The following COL26A1 variants were observed in gnomAD, a reference collection of about 807,000 sequenced individuals.
COL26A1 encodes collagen type XXVI alpha 1 chain, also known as collagen alpha-1(XXVI) chain.
A neutral mutation model predicts 59.3 loss-of-function variants in COL26A1; 41 were observed. The observed-to-expected ratio is 0.69, with a 90% CI of 0.54 to 0.90. The LOEUF is 0.90. COL26A1 is among the 40% of genes least tolerant of loss of function. The pLI is 0.00. For synonymous variants in COL26A1, 266 were observed against 256.0 expected (o/e 1.04, Z -0.37); for missense variants, 612 against 602.3 (o/e 1.02, Z -0.17).
intron 1 of COL26A1, among the ~76,000 whole-genome samples, chr7:101,413,913 A>G (rs891005767): frequency 3.3e-5 from 5 of 152,132 alleles, no homozygotes; most frequent in African/African-American, 9.7e-5. Context: ...CCCCCAGAGC[A>G]CTGTTCACCC....
chr7:101,507,536 T>C (rs1195060471), intron 3 of COL26A1, among the ~76,000 whole-genome samples: 1 of 146,250 alleles, frequency 6.8e-6, no homozygotes, highest in Non-Finnish European at 1.5e-5. Flanking sequence ...ATCCTCCCAC[T>C]TCCCCATCCT....
At chr7:101,413,003 T>C (rs1792278386) in intron 1 of COL26A1, among the ~76,000 whole-genome samples, 1 of 152,174 alleles carries the variant, frequency 6.6e-6, no homozygotes, top group Admixed American at 6.5e-5. Context: ...CTGGGAAGTG[T>C]CCTGAAGATC....
intron 1 of COL26A1, among the ~76,000 whole-genome samples, chr7:101,394,385 G>A (rs528792812): frequency 1.3e-5 from 2 of 151,808 alleles, no homozygotes; most frequent in South Asian, 4.2e-4. Context: ...CTCAGTTGGT[G>A]GTAATTTGTT....
In COL26A1 at chr7:101,447,792, G is replaced by C; in HGVS notation, c.385+5G>C. 1 of 1,586,884 alleles carries C rather than the reference G, an allele frequency of 6.3e-7. No homozygotes were observed. Among genetic ancestry groups the C allele is most frequent in the Non-Finnish European group, 8.6e-7 (1 of 1,164,386 alleles). Reference sequence around the variant, plus strand: ...CCGGGAGCAACTGTGATGAGGGTAAGTTGGCAGGCACTTGGGCTGCAGGGG... The same window carrying C: ...CCGGGAGCAACTGTGATGAGGGTAACTTGGCAGGCACTTGGGCTGCAGGGG... On this transcript the variant is annotated splice_donor_5th_base_variant and intron_variant, in intron 3 of 12. Coordinates refer to ENST00000313669, the MANE Select transcript of COL26A1 (RefSeq NM_001278563.3).
chr7:101,415,419 G>A (rs1792350696), intron 1 of COL26A1, among the ~76,000 whole-genome samples: 2 of 152,158 alleles, frequency 1.3e-5, no homozygotes, highest in African/African-American at 2.4e-5. Flanking sequence ...TTCTCAAAGT[G>A]CTGTGTTTAC....
rs115225813 is a variant in COL26A1, at chr7:101,547,038, T to C, written c.857-118T>C. On this transcript the variant is annotated intron_variant, in intron 7 of 12. Transcript: ENST00000313669. Reference sequence around the variant, plus strand: ...GTATCTGCAGCGGGCCCCAGGGTGATGGGAGGAGCCCCCCTGGGCTTCGTG... The same window carrying C: ...GTATCTGCAGCGGGCCCCAGGGTGACGGGAGGAGCCCCCCTGGGCTTCGTG... The C allele has an allele frequency of 4.1e-3, 2,628 of 642,352 alleles. 53 individuals carry two copies. The African/African-American group carries it at 0.043, about 11-fold the overall frequency. 39.8% of individuals were successfully genotyped at this position (642,352 alleles called of 1,614,324 possible).
intron 3 of COL26A1, among the ~76,000 whole-genome samples, chr7:101,457,693 A>C (rs549442316): frequency 6.6e-6 from 1 of 152,178 alleles, no homozygotes; most frequent in South Asian, 2.1e-4. Context: ...TTCTATCATC[A>C]TAGATCAATT....
intron 1 of COL26A1, among the ~76,000 whole-genome samples, chr7:101,386,082 A>G (rs1000148504): frequency 6.6e-6 from 1 of 152,136 alleles, no homozygotes; most frequent in Admixed American, 6.6e-5. Context: ...GTTGAGTTTC[A>G]TCAAGGGTGG....
intron 10 of COL26A1, 94 bp downstream of exon 10, chr7:101,551,237 G>GTGGGGGGGGGGC: frequency 2.6e-6 from 1 of 386,364 alleles, no homozygotes; most frequent in Non-Finnish European, 5.0e-6. Flanking sequence ...TGGTGGGGGG[G>GTGGGGGGGGGGC]TTCAGCCCTG....
chr7:101,419,036 C>T (rs984261423), intron 1 of COL26A1, among the ~76,000 whole-genome samples: 7 of 148,710 alleles, frequency 4.7e-5, no homozygotes, highest in Non-Finnish European at 7.5e-5. Context: ...TCCTCCCTCC[C>T]TCCCTCTCTC....
chr7:101,502,238 A>G (rs1168150241), intron 3 of COL26A1, among the ~76,000 whole-genome samples: 1 of 152,162 alleles, frequency 6.6e-6, no homozygotes, highest in African/African-American at 2.4e-5. Flanking sequence ...GCTACTCAGG[A>G]GGCTGAGGCG....
intron 1 of COL26A1, among the ~76,000 whole-genome samples, chr7:101,390,786 A>G (rs1791710716): frequency 6.6e-6 from 1 of 152,092 alleles, no homozygotes; most frequent in South Asian, 2.1e-4. Context: ...GAAGGGAGAT[A>G]TTTCTAAAAA....
At chr7:101,391,191 G>A (rs1791720197) in intron 1 of COL26A1, among the ~76,000 whole-genome samples, 1 of 152,220 alleles carries the variant, frequency 6.6e-6, no homozygotes, top group Admixed American at 6.5e-5. Context: ...GGTTCTGGGG[G>A]CAAGGCAGGA....
intron 3 of COL26A1, among the ~76,000 whole-genome samples, chr7:101,454,816 T>C (rs541880953): frequency 6.6e-6 from 1 of 152,250 alleles, no homozygotes; most frequent in East Asian, 1.9e-4. Context: ...AAGGTGCCTT[T>C]AAACAGAAAC....
chr7:101,519,744 G>A (rs1347289955), intron 3 of COL26A1, among the ~76,000 whole-genome samples: 17 of 152,156 alleles, frequency 1.1e-4, no homozygotes, highest in Admixed American at 1.0e-3. Flanking sequence ...GTTCAACCTC[G>A]TCATTCTGAG....
At chr7:101,554,431 G>T (rs1795923651) in intron 11 of COL26A1, among the ~76,000 whole-genome samples, 2 of 151,958 alleles carry the variant, frequency 1.3e-5, no homozygotes, top group Non-Finnish European at 2.9e-5. Context: ...TCTGAGAGGT[G>T]ACTGTGACCC....
At chr7:101,451,705 A>T (rs6975978) in intron 3 of COL26A1, among the ~76,000 whole-genome samples, 56,534 of 146,830 alleles carry the variant, frequency 0.39, 13,902 homozygotes, top group African/African-American at 0.7. Context: ...AATCATTTGC[A>T]TCTTTTTTTT....
At chr7:101,473,332 T>G (rs1793950826) in intron 3 of COL26A1, among the ~76,000 whole-genome samples, 1 of 152,048 alleles carries the variant, frequency 6.6e-6, no homozygotes, top group Non-Finnish European at 1.5e-5. Flanking sequence ...CACCTCAGCC[T>G]CCCAAAATGC....
intron 2 of COL26A1, among the ~76,000 whole-genome samples, chr7:101,445,980 G>A (rs1352975337): frequency 8.8e-5 from 13 of 148,174 alleles, no homozygotes; most frequent in South Asian, 6.5e-4. Flanking sequence ...TCTGGGAGGC[G>A]GAGGTTGCAG....
Sources: allele counts gnomAD v4.1 joint callset (sites outside exome capture counted in the v4.1 genomes callset), GRCh38; gene constraint gnomAD v4.1.1; transcripts MANE v1.5; gene names NCBI Gene and HGNC (gene_info 2026-07-23, HGNC 2026-07-21).